The following MSRA variants were observed in gnomAD, a reference collection of about 807,000 sequenced individuals.
The protein encoded by MSRA is methionine sulfoxide reductase A.
A neutral mutation model predicts 31.3 loss-of-function variants in MSRA; 54 were observed. That is an observed-to-expected ratio of 1.73 (90% CI 1.39 to 2.17). The LOEUF (loss-of-function observed/expected upper bound fraction) is 2.17, where lower values mean the gene tolerates loss of function less well. Ranked by LOEUF, MSRA falls within the 30% of genes most tolerant of loss-of-function variation. The pLI is 0.00. For missense variants in MSRA, 507 were observed against 300.9 expected (o/e 1.69, Z -5.07); for synonymous variants, 169 against 116.5 (o/e 1.45, Z -2.90).
chr8:10,282,208 T>G (rs1312303299), intron 3 of MSRA, among the ~76,000 whole-genome samples: 1 of 152,184 alleles, frequency 6.6e-6, no homozygotes, highest in Admixed American at 6.5e-5. Context: ...CTCACCAGCC[T>G]CTACAGTAAG....
At chr8:10,301,673 T>A in intron 4 of MSRA, 35 bp downstream of exon 4, 1 of 1,507,718 alleles carries the variant, frequency 6.6e-7, no homozygotes, top group Non-Finnish European at 9.2e-7. Context: ...TTAATTATCT[T>A]ACTAATTACA....
At chr8:10,282,849 C>G (rs1057312014) in intron 3 of MSRA, among the ~76,000 whole-genome samples, 1 of 152,136 alleles carries the variant, frequency 6.6e-6, no homozygotes, top group African/African-American at 2.4e-5. Context: ...CATTGAAAAG[C>G]AGGTTACTTC....
At position 10,428,152 on chromosome 8, in the gene MSRA, T is replaced by C. The variant is rs1441772345; in HGVS notation, c.548T>C (p.Leu183Pro). 6.2e-7 allele frequency: 1 copy of C among 1,612,248 alleles called. No homozygotes were observed. Among genetic ancestry groups the C allele is most frequent in the Non-Finnish European group, 8.5e-7 (1 of 1,179,542 alleles). ...CGCCTTTCTGTGTCCCCACAGGTTCTTTCAGAGCACGGCTTCGGCCCCATC... is the reference window on the plus strand; with the variant it reads ...CGCCTTTCTGTGTCCCCACAGGTTCCTTCAGAGCACGGCTTCGGCCCCATC... ...LSSKENYQKVLSEHGFGPITT... is the reference protein window; with the variant it reads ...LSSKENYQKVPSEHGFGPITT... Residue 183 changes from leucine (L) to proline (P), a missense_variant, in exon 6 of 6, where the codon CTT becomes CCT. Transcript: ENST00000317173.
At chr8:10,190,095 G>T (rs1259782690) in intron 1 of MSRA, among the ~76,000 whole-genome samples, 2 of 152,062 alleles carry the variant, frequency 1.3e-5, no homozygotes. Flanking sequence ...GAATGTCCTT[G>T]GTGTTTCTTG....
intron 4 of MSRA, among the ~76,000 whole-genome samples, chr8:10,301,861 G>A (rs1001759701): frequency 5.9e-5 from 9 of 152,084 alleles, no homozygotes; most frequent in African/African-American, 2.2e-4. Context: ...CAGCTGTCAG[G>A]GGTGGGAAAA....
At chr8:10,390,184 C>T (rs1237758538) in intron 5 of MSRA, among the ~76,000 whole-genome samples, 1 of 152,204 alleles carries the variant, frequency 6.6e-6, no homozygotes, top group East Asian at 1.9e-4. Context: ...GTGCTCGGCA[C>T]CTATATGTTC....
chr8:10,171,917 A>T (rs1318652405), intron 1 of MSRA, among the ~76,000 whole-genome samples: 1 of 152,230 alleles, frequency 6.6e-6, no homozygotes, highest in Non-Finnish European at 1.5e-5. Context: ...CTCTTAATAG[A>T]TGAGAGAATG....
At chr8:10,404,596 C>T (rs192085477) in intron 5 of MSRA, among the ~76,000 whole-genome samples, 88 of 152,390 alleles carry the variant, frequency 5.8e-4, no homozygotes, top group Admixed American at 5.2e-4. Context: ...GGTGCGCGGG[C>T]TCTCCATGGC....
chr8:10,352,967 C>G (rs151036738), intron 5 of MSRA, among the ~76,000 whole-genome samples: 66 of 152,220 alleles, frequency 4.3e-4, no homozygotes, highest in Non-Finnish European at 7.8e-4. Flanking sequence ...TCTGAACTGT[C>G]TTTGCGGTGT....
intron 1 of MSRA, among the ~76,000 whole-genome samples, chr8:10,069,286 T>C (rs1359121346): frequency 6.6e-6 from 1 of 152,232 alleles, no homozygotes; most frequent in Non-Finnish European, 1.5e-5. Flanking sequence ...CTAGGACTTC[T>C]AGTATGATGC....
chr8:10,285,985 G>T (rs1486822598), intron 3 of MSRA, among the ~76,000 whole-genome samples: 1 of 152,044 alleles, frequency 6.6e-6, no homozygotes, highest in African/African-American at 2.4e-5. Context: ...CAACTAATTG[G>T]GTAAGGGTAC....
chr8:10,210,257 A>G (rs1400843192), intron 2 of MSRA, among the ~76,000 whole-genome samples: 1 of 152,144 alleles, frequency 6.6e-6, no homozygotes, highest in Non-Finnish European at 1.5e-5. Flanking sequence ...ATCCAGAGCC[A>G]CTTGGCCAAG....
intron 5 of MSRA, among the ~76,000 whole-genome samples, chr8:10,372,912 G>A (rs151198414): frequency 4.6e-5 from 7 of 152,284 alleles, no homozygotes; most frequent in Non-Finnish European, 8.8e-5. Context: ...TATTTGAGGC[G>A]GAATCTTGCT....
intron 3 of MSRA, among the ~76,000 whole-genome samples, chr8:10,300,094 G>A (rs750296978): frequency 6.6e-6 from 1 of 151,258 alleles, no homozygotes; most frequent in Non-Finnish European, 1.5e-5. Context: ...AGAGAGAAAA[G>A]CATGCTGTAA....
chr8:10,265,239 G>A (rs1359938730), intron 3 of MSRA, among the ~76,000 whole-genome samples: 1 of 152,156 alleles, frequency 6.6e-6, no homozygotes, highest in East Asian at 1.9e-4. Flanking sequence ...ACGTGATGGG[G>A]AGAGAAGAGG....
chr8:10,104,930 G>T (rs1211171532), intron 1 of MSRA, among the ~76,000 whole-genome samples: 3 of 152,166 alleles, frequency 2.0e-5, no homozygotes, highest in Non-Finnish European at 2.9e-5. Flanking sequence ...TTGTCTCACT[G>T]TATCTTCACC....
intron 1 of MSRA, among the ~76,000 whole-genome samples, chr8:10,185,100 A>G (rs1806901842): frequency 6.6e-6 from 1 of 152,168 alleles, no homozygotes; most frequent in African/African-American, 2.4e-5. Context: ...CTCAAGGCTG[A>G]AGGGCTGCTG....
chr8:10,138,585 C>G (rs1452180742), intron 1 of MSRA, among the ~76,000 whole-genome samples: 1 of 152,144 alleles, frequency 6.6e-6, no homozygotes, highest in Non-Finnish European at 1.5e-5. Flanking sequence ...AGTGGGTGAT[C>G]TGAATTGCAA....
In MSRA at chr8:10,283,836, T is replaced by TACACACACACACACACACACACAC. The variant is rs372503609; in HGVS notation, c.332-17688_332-17665dup. Among the ~76,000 whole-genome samples the TACACACACACACACACACACACAC allele has an allele frequency of 1.9e-3, 102 of 53,142 alleles. 1 individual carries two copies. Among genetic ancestry groups the TACACACACACACACACACACACAC allele is most frequent in the Non-Finnish European group, 2.5e-3 (77 of 31,226 alleles). The allele number at this position is 53,142 out of a possible 152,430, so 34.9% of individuals were successfully genotyped here. Reference sequence around the variant, plus strand: ...ATATATATATATATATATATATATATACACACACACACACACACACACACA... The same window carrying TACACACACACACACACACACACAC: ...ATATATATATATATATATATATATATACACACACACACACACACACACACACACACACACACACACACACACACA... On this transcript the variant is annotated intron_variant, in intron 3 of 5. Transcript: ENST00000317173.
Sources: allele counts gnomAD v4.1 joint callset (sites outside exome capture counted in the v4.1 genomes callset), GRCh38; gene constraint gnomAD v4.1.1; transcripts MANE v1.5; gene names NCBI Gene and HGNC (gene_info 2026-07-23, HGNC 2026-07-21).